CEP83: variants seen among roughly 807,000 people sequenced by gnomAD.
CEP83 encodes the protein centrosomal protein of 83 kDa.
In CEP83, 70 loss-of-function variants were observed where a neutral mutation model predicts 101.9. The ratio of observed to expected loss-of-function variants is 0.69; its 90% CI spans 0.57 to 0.84. CEP83 has a LOEUF of 0.84. Among genes scored for constraint, CEP83 ranks in the 40% least tolerant of loss-of-function variants. The probability of loss-of-function intolerance (pLI) is 0.00; values close to 1 mark genes in which losing one functional copy is unlikely to be tolerated. For missense variants in CEP83, 715 were observed against 787.2 expected, an observed-to-expected ratio of 0.91 and a Z score of 1.10; for synonymous variants, 264 against 267.9, an observed-to-expected ratio of 0.99 and a Z score of 0.14.
intron 6 of CEP83, among the ~76,000 whole-genome samples, chr12:94,400,569 A>G (rs911371906): frequency 2.6e-5 from 4 of 152,174 alleles, no homozygotes; most frequent in African/African-American, 9.6e-5. Flanking sequence ...CTCTGTGGCT[A>G]CATAAGACAA....
chr12:94,449,612 A>G (rs2067083023), intron 1 of CEP83, among the ~76,000 whole-genome samples: 1 of 150,836 alleles, frequency 6.6e-6, no homozygotes. Context: ...CGAAAAAAAA[A>G]AAAAAAGAAA....
At chr12:94,296,232 C>T in the CEP83 span, among the ~76,000 whole-genome samples, 4 of 152,190 alleles carry the variant, frequency 2.6e-5, no homozygotes, top group Admixed American at 6.5e-5. Flanking sequence ...ACAATCATGG[C>T]TCACTGAAGC....
chr12:94,443,636 G>A (rs2066585588), intron 1 of CEP83, among the ~76,000 whole-genome samples: 2 of 152,140 alleles, frequency 1.3e-5, no homozygotes, highest in East Asian at 1.9e-4. Flanking sequence ...GGGATTACAG[G>A]CATGCACCAC....
intron 1 of CEP83, among the ~76,000 whole-genome samples, chr12:94,442,235 T>A (rs983739715): frequency 1.3e-5 from 2 of 151,950 alleles, no homozygotes; most frequent in African/African-American, 4.8e-5. Context: ...CGAGATGGAA[T>A]TGGAGGCCAT....
chr12:94,366,207 A>G (rs2061019883), intron 11 of CEP83, among the ~76,000 whole-genome samples: 1 of 152,090 alleles, frequency 6.6e-6, no homozygotes, highest in Non-Finnish European at 1.5e-5. Context: ...CAACATATTA[A>G]TAAATAAATA....
chr12:94,425,463 C>T (rs2065123406), intron 2 of CEP83, among the ~76,000 whole-genome samples: 1 of 152,150 alleles, frequency 6.6e-6, no homozygotes, highest in Admixed American at 6.5e-5. Context: ...GACTCAGGCC[C>T]CTGCTTTAGG....
the CEP83 span, among the ~76,000 whole-genome samples, chr12:94,293,433 A>T: frequency 2.6e-5 from 4 of 152,232 alleles, no homozygotes; most frequent in African/African-American, 9.6e-5. Context: ...GGGCTGCTAT[A>T]ACAGAATACC....
At chr12:94,362,692 T>C (rs1593422953) in intron 11 of CEP83, among the ~76,000 whole-genome samples, 2 of 152,174 alleles carry the variant, frequency 1.3e-5, no homozygotes, top group African/African-American at 4.8e-5. Context: ...ACTGGGTATA[T>C]ACCCAAAGCA....
intron 1 of CEP83, among the ~76,000 whole-genome samples, chr12:94,453,947 A>C (rs548034258): frequency 5.1e-4 from 78 of 152,218 alleles, no homozygotes; most frequent in African/African-American, 1.8e-3. Flanking sequence ...AAATCAAAAA[A>C]TTAGCTGGGC....
chr12:94,458,059 T>C (rs1407075693), intron 1 of CEP83, among the ~76,000 whole-genome samples: 5 of 151,926 alleles, frequency 3.3e-5, no homozygotes, highest in Non-Finnish European at 5.9e-5. Flanking sequence ...TAGCAGGGCA[T>C]GGTGGCATGC....
At chr12:94,321,312 A>G (rs545306947) in intron 14 of CEP83, among the ~76,000 whole-genome samples, 33 of 152,228 alleles carry the variant, frequency 2.2e-4, no homozygotes, top group African/African-American at 6.5e-4. Context: ...GGGTTTTGCC[A>G]TTCTCCTGAA....
At chr12:94,379,098 G>T in intron 6 of CEP83, 56 bp from the exon 7 acceptor site, 1 of 1,395,242 alleles carries the variant, frequency 7.2e-7, no homozygotes, top group Non-Finnish European at 9.8e-7. Flanking sequence ...TTTCAGTCAT[G>T]AACATGCTTT....
chr12:94,326,473 G>A (rs2058979247), intron 14 of CEP83, among the ~76,000 whole-genome samples: 1 of 152,134 alleles, frequency 6.6e-6, no homozygotes, highest in Admixed American at 6.5e-5. Context: ...TAACTTGTGG[G>A]ATCTGACTCT....
At chr12:94,274,154 C>CAA in the CEP83 span, among the ~76,000 whole-genome samples, 1 of 34,836 alleles carries the variant, frequency 2.9e-5, no homozygotes, top group Non-Finnish European at 4.8e-5. Flanking sequence ...GACCCTGTCT[C>CAA]TAAAAAAAAA....
intron 11 of CEP83, among the ~76,000 whole-genome samples, chr12:94,349,317 A>T (rs377408007): frequency 2.6e-5 from 4 of 151,528 alleles, no homozygotes; most frequent in Non-Finnish European, 4.4e-5. Flanking sequence ...AAAAGTTTGT[A>T]GAATCCCGAA....
intron 6 of CEP83, among the ~76,000 whole-genome samples, chr12:94,388,504 G>A (rs753644035): frequency 1.3e-4 from 19 of 151,982 alleles, no homozygotes; most frequent in Non-Finnish European, 1.8e-4. Context: ...TCTAGGTGAC[G>A]GAATCTTTAT....
At chr12:94,325,174 TCC>T (rs1329359107) in intron 14 of CEP83, among the ~76,000 whole-genome samples, 2 of 143,688 alleles carry the variant, frequency 1.4e-5, no homozygotes, top group Admixed American at 7.1e-5. Context: ...CAATTTTCTC[TCC>T]CTTTTTTTTT....
chr12:94,406,006 A>G (rs1290350180), intron 4 of CEP83, among the ~76,000 whole-genome samples: 1 of 152,222 alleles, frequency 6.6e-6, no homozygotes, highest in Non-Finnish European at 1.5e-5. Context: ...CAGAGCTCAC[A>G]AAGACCTAAG....
chr12:94,443,155 T>C (rs80218156), intron 1 of CEP83, among the ~76,000 whole-genome samples: 11,648 of 145,446 alleles, frequency 0.08, 497 homozygotes, highest in Non-Finnish European at 0.1. Flanking sequence ...AATTCAAACA[T>C]TTTGCTGCCC....
Sources: gnomAD v4.1 joint callset for allele counts (sites outside exome capture counted in the v4.1 genomes callset) on GRCh38, gnomAD v4.1.1 for gene constraint, MANE v1.5 for transcripts, NCBI Gene and HGNC (gene_info 2026-07-23, HGNC 2026-07-21) for gene names.